BPNT2: variants seen among roughly 807,000 people sequenced by gnomAD.
BPNT2 encodes Golgi-resident adenosine 3',5'-bisphosphate 3'-phosphatase.
Under a neutral mutation model 29.3 loss-of-function variants are expected in BPNT2, and 11 were observed. The observed-to-expected ratio is 0.38, with a 90% confidence interval of 0.24 to 0.62. The LOEUF is 0.62. Ranked by LOEUF, BPNT2 falls within the 20% of genes least tolerant of loss-of-function variation. The pLI is 0.62. For missense variants in BPNT2, 459 were observed against 473.4 expected (o/e 0.97, Z 0.28); for synonymous variants, 195 against 187.7 (o/e 1.04, Z -0.32).
intron 1 of BPNT2, among the ~76,000 whole-genome samples, chr8:56,990,242 T>G (rs1806396453): frequency 6.6e-6 from 1 of 152,196 alleles, no homozygotes. Context: ...ACAAATCAAG[T>G]TGAGGACAGG....
rs1017259165 is a variant in BPNT2 at position 56,958,011 on chromosome 8, T to C, written c.*5782A>G. ...ATCCGGGGCAGAGAGTTTGGGATAA[T>C]TATGTCATTGGAAGCAATCACATTA... is the stretch of plus-strand genomic sequence containing the variant. On this transcript the variant is annotated 3_prime_UTR_variant, in exon 5 of 5. Coordinates refer to ENST00000262644, the MANE Select transcript of BPNT2 (RefSeq NM_017813.5). 6.6e-6 allele frequency: 1 copy of C among 152,106 alleles called. No individual in the cohort carries two copies. The highest frequency in any genetic ancestry group is 1.5e-5 in the Non-Finnish European group (1 of 68,030). The allele number at this position is 152,106 out of a possible 1,614,324, so 9.4% of individuals were successfully genotyped here.
Position 56,961,208 on chromosome 8 carries a change from G to A in BPNT2, c.*2585C>T, listed in dbSNP as rs1400429148. ...AGTGAAGAAAAGACCAGGAGCTGGT[G>A]AGGTGTGGGTCATTAAAAGCAAAAG... On this transcript the variant is annotated 3_prime_UTR_variant, in exon 5 of 5. Transcript: ENST00000262644. 6.6e-6 allele frequency: 1 copy of A among 152,198 alleles called. No homozygotes were observed. The highest frequency in any genetic ancestry group is 1.5e-5 in the Non-Finnish European group (1 of 68,038). The allele number at this position is 152,198 out of a possible 1,614,324, so 9.4% of individuals were successfully genotyped here. A position where few individuals can be genotyped will look rare whatever the true frequency, so the allele number is the denominator to read the frequency against.
intron 3 of BPNT2, among the ~76,000 whole-genome samples, chr8:56,968,211 AAC>A (rs1805979645): frequency 1.3e-5 from 2 of 152,132 alleles, no homozygotes; most frequent in African/African-American, 4.8e-5. Flanking sequence ...GAGCTCATAT[AAC>A]ACAGAAAAGA....
chr8:56,962,727 T>A lies in BPNT2; in HGVS notation c.*1066A>T, dbSNP rs557393997. ...AGAGTTTGGGTAGGCTAGATACATTTATTAATAGTAAAAGCAACCATGGCA... is the reference window on the plus strand; with the variant it reads ...AGAGTTTGGGTAGGCTAGATACATTAATTAATAGTAAAAGCAACCATGGCA... On this transcript the variant is annotated 3_prime_UTR_variant, in exon 5 of 5. Transcript: ENST00000262644. 4.2e-4 allele frequency: 64 copies of A among 152,258 alleles called. No individual in the cohort carries two copies. The highest frequency in any genetic ancestry group is 1.5e-3 in the African/African-American group (62 of 41,562). 9.4% of individuals were successfully genotyped at this position (152,258 alleles called of 1,614,324 possible). A position where few individuals can be genotyped will look rare whatever the true frequency, so the allele number is the denominator to read the frequency against.
Position 56,980,088 on chromosome 8 carries a change from G to A in BPNT2, c.497C>T (p.Ala166Val), listed in dbSNP as rs1806214182. 1.9e-6 allele frequency: 3 copies of A among 1,613,586 alleles called. No homozygotes were observed. The highest frequency in any genetic ancestry group is 1.1e-5 in the South Asian group (1 of 91,076). ...GTCAATCCAGACAGTAACACTTTCTGCTGGTACCTCTTTAGGAGTAGTTAC... is the reference window on the plus strand; with the variant it reads ...GTCAATCCAGACAGTAACACTTTCTACTGGTACCTCTTTAGGAGTAGTTAC... ...KEVTTPKEVP[A>V]ESVTVWIDPL... is the part of the protein sequence containing the mutation. Residue 166 changes from alanine (A) to valine (V), a missense_variant, in exon 2 of 5, where the codon GCA (alanine) becomes GTA (valine). Physicochemically the swap from Ala to Val is moderately conservative, Grantham distance 64. Transcript: ENST00000262644.
rs1806459283 is a variant in BPNT2 at position 56,993,671 on chromosome 8, G to C, written c.-86C>G. On this transcript the variant is annotated 5_prime_UTR_variant, in exon 1 of 5. Transcript: ENST00000262644. ...CCGCCGCCGCAGCCGCCGCGCTCCG[G>C]GCCAGGCGCCGCGCGGGCTACACTG... The C allele has an allele frequency of 2.3e-5, 26 of 1,116,486 alleles. No homozygotes were observed. Among genetic ancestry groups the C allele is most frequent in the Non-Finnish European group, 2.7e-5 (25 of 918,100 alleles). 69.2% of individuals were successfully genotyped at this position (1,116,486 alleles called of 1,614,324 possible). A position where few individuals can be genotyped will look rare whatever the true frequency, so the allele number is the denominator to read the frequency against.
rs552550687 is a variant in BPNT2 at position 56,963,919 on chromosome 8, C to T, written c.954G>A (p.Leu318=). The change falls in exon 5 of 5, where the codon CTG becomes CTA. Residue 318 remains leucine, a synonymous_variant. Transcript: ENST00000262644. ...LKALGGHMTT[L]SGEEISYTGS... is the part of the protein sequence containing the mutation. ...CAGTGTAACTGATTTCTTCACCACT[C>T]AGGGTAGTCATATGCCCCCCTAGGG... The T allele has an allele frequency of 9.3e-6, 15 of 1,614,160 alleles. 1 individual carries two copies. The South Asian group carries it at 1.5e-4, about 17-fold the overall frequency.
At chr8:56,988,781 T>A (rs548897042) in intron 1 of BPNT2, among the ~76,000 whole-genome samples, 101 of 152,310 alleles carry the variant, frequency 6.6e-4, no homozygotes, top group Non-Finnish European at 1.1e-3. Context: ...ATCTCTAACA[T>A]AGCAAGTCTA....
chr8:56,981,753 A>C (rs981277961), intron 1 of BPNT2, among the ~76,000 whole-genome samples: 6 of 152,038 alleles, frequency 3.9e-5, no homozygotes, highest in Non-Finnish European at 8.8e-5. Flanking sequence ...ATACACACAC[A>C]CAAGAAAAAA....
intron 3 of BPNT2, 96 bp downstream of exon 3, chr8:56,977,954 T>C (rs879200408): frequency 3.6e-5 from 30 of 833,774 alleles, no homozygotes; most frequent in South Asian, 2.8e-4. Flanking sequence ...AGGAAACTAA[T>C]ATAGGAGTGG....
chr8:56,969,122 T>C (rs1805993530), intron 3 of BPNT2, among the ~76,000 whole-genome samples: 2 of 152,198 alleles, frequency 1.3e-5, no homozygotes, highest in Admixed American at 6.5e-5. Flanking sequence ...AGAGAAAGTA[T>C]GGCCCCACTG....
In BPNT2 at chr8:56,993,230, T is replaced by A. The variant is rs750520263; in HGVS notation, c.356A>T (p.Tyr119Phe). ...GDVLSNRKMF[Y>F]LLKTAFPSVQ... The stretch of plus-strand genomic sequence containing the variant: ...GCTGGGGAAGGCGGTCTTGAGCAGG[T>A]AGAACATCTTGCGGTTGGACAGCAC... Residue 119 changes from tyrosine (Y) to phenylalanine (F), a missense_variant, in exon 1 of 5, where the codon TAC becomes TTC. Tyr to Phe is a conservative substitution (Grantham distance 22). Coordinates refer to ENST00000262644, the MANE Select transcript of BPNT2 (RefSeq NM_017813.5). 3.1e-5 allele frequency: 50 copies of A among 1,605,310 alleles called. No individual in the cohort carries two copies. Among genetic ancestry groups the A allele is most frequent in the Non-Finnish European group, 3.9e-5 (46 of 1,179,730 alleles).
rs182895751 is a variant in BPNT2, at chr8:56,976,398, G to C, written c.646+1652C>G. Among the ~76,000 whole-genome samples, 31 of 152,268 alleles carry C rather than the reference G, an allele frequency of 2.0e-4. No individual in the cohort carries two copies. The East Asian group carries it at 4.8e-3, about 24-fold the overall frequency. ...TACAGCAGTCTAAATTAACGGCCTAGTGTGTATCCTAACTAATTCAGTAAG... is the reference window on the plus strand; with the variant it reads ...TACAGCAGTCTAAATTAACGGCCTACTGTGTATCCTAACTAATTCAGTAAG... On this transcript the variant is annotated intron_variant, in intron 3 of 4. Transcript: ENST00000262644.
intron 1 of BPNT2, 86 bp downstream of exon 1, chr8:56,993,113 G>T: frequency 7.2e-6 from 11 of 1,533,388 alleles, no homozygotes; most frequent in Non-Finnish European, 9.6e-6. Flanking sequence ...AATGGAACCA[G>T]AAGCTCCACA....
chr8:56,961,985 T>C lies in BPNT2; in HGVS notation c.*1808A>G, dbSNP rs1403904600. ...GACATACTATAATAAAAACAGATGC[T>C]TATACCACAGGACTCTGGCAACAGC... On this transcript the variant is annotated 3_prime_UTR_variant, in exon 5 of 5. Coordinates refer to ENST00000262644, the MANE Select transcript of BPNT2 (RefSeq NM_017813.5). 6.6e-6 allele frequency: 1 copy of C among 152,196 alleles called. No individual in the cohort carries two copies. Among genetic ancestry groups the C allele is most frequent in the Non-Finnish European group, 1.5e-5 (1 of 68,042 alleles). 9.4% of individuals were successfully genotyped at this position (152,196 alleles called of 1,614,324 possible). A position where few individuals can be genotyped will look rare whatever the true frequency, so the allele number is the denominator to read the frequency against.
At chr8:56,981,718 A>G (rs2129205702) in intron 1 of BPNT2, among the ~76,000 whole-genome samples, 1 of 152,336 alleles carries the variant, frequency 6.6e-6, no homozygotes, top group Admixed American at 6.5e-5. Context: ...ATACTGCCTC[A>G]CCATGAGACT....
chr8:56,974,347 A>G (rs1419006601), intron 3 of BPNT2, among the ~76,000 whole-genome samples: 1 of 151,998 alleles, frequency 6.6e-6, no homozygotes. Flanking sequence ...ATATTACTTC[A>G]GTAAAATACT....
In BPNT2 at chr8:56,958,196, C is replaced by A. The variant is rs952369156; in HGVS notation, c.*5597G>T. On this transcript the variant is annotated 3_prime_UTR_variant, in exon 5 of 5. Coordinates refer to ENST00000262644, the MANE Select transcript of BPNT2 (RefSeq NM_017813.5). ...ACAAAATATGCTAATGCTAATAATC[C>A]TTTATTCAATTTAGCTCAACACACA... is the stretch of plus-strand genomic sequence containing the variant. The A allele has an allele frequency of 2.0e-5, 3 of 152,078 alleles. No homozygotes were observed. Among genetic ancestry groups the A allele is most frequent in the Non-Finnish European group, 4.4e-5 (3 of 68,024 alleles). The allele number at this position is 152,078 out of a possible 1,614,324, so 9.4% of individuals were successfully genotyped here. A position where few individuals can be genotyped will look rare whatever the true frequency, so the allele number is the denominator to read the frequency against.
chr8:56,969,861 C>CT (rs1806004210), intron 3 of BPNT2, among the ~76,000 whole-genome samples: 1 of 152,106 alleles, frequency 6.6e-6, no homozygotes, highest in Admixed American at 6.5e-5. Flanking sequence ...CTGTTCCTTC[C>CT]TGGAAAAACA....
Sources: allele counts gnomAD v4.1 joint callset (sites outside exome capture counted in the v4.1 genomes callset), GRCh38; gene constraint gnomAD v4.1.1; transcripts MANE v1.5; gene names NCBI Gene and HGNC (gene_info 2026-07-23, HGNC 2026-07-21).